The following VAV2 variants were observed in gnomAD, a reference collection of about 807,000 sequenced individuals.
The protein encoded by VAV2 is vav guanine nucleotide exchange factor 2.
VAV2 carries 67 observed loss-of-function variants against 132.5 expected under a neutral mutation model. The ratio of observed to expected loss-of-function variants is 0.51; its 90% CI spans 0.42 to 0.62. The LOEUF (loss-of-function observed/expected upper bound fraction) is 0.62. Ranked by LOEUF, VAV2 falls within the 20% of genes least tolerant of loss-of-function variation. The probability of loss-of-function intolerance (pLI) is 0.00; values close to 1 mark genes in which losing one functional copy is unlikely to be tolerated. For synonymous variants in VAV2, 492 were observed against 443.5 expected, an observed-to-expected ratio of 1.11 and a Z score of -1.37; for missense variants, 938 against 1,153.6, an observed-to-expected ratio of 0.81 and a Z score of 2.71.
chr9:133,986,032 A>G (rs946405183), intron 1 of VAV2, among the ~76,000 whole-genome samples: 2 of 152,204 alleles, frequency 1.3e-5, no homozygotes, highest in Non-Finnish European at 2.9e-5. Flanking sequence ...CAAGAGAGGA[A>G]GGAAAGGAGG....
rs1016351016 is a variant in VAV2, at chr9:133,802,510, G to A, written c.836+3571C>T. On this transcript the variant is annotated intron_variant, in intron 9 of 29. Coordinates refer to ENST00000371850, the MANE Select transcript of VAV2 (RefSeq NM_001134398.2). The surrounding 1 kb of genome is among the most constrained non-coding windows in gnomAD (Gnocchi z 5.8). ...ACATGGCCCCAAAGGTCTCAGTGTGGTCACCTTGCAAGGCACGGCCCGCCG... is the reference window on the plus strand; with the variant it reads ...ACATGGCCCCAAAGGTCTCAGTGTGATCACCTTGCAAGGCACGGCCCGCCG... 6.6e-6 allele frequency among the ~76,000 whole-genome samples: 1 copy of A among 151,928 alleles called. No homozygotes were observed. Among genetic ancestry groups the A allele is most frequent in the African/African-American group, 2.4e-5 (1 of 41,378 alleles).
chr9:133,936,091 G>A (rs1273173165), intron 2 of VAV2, among the ~76,000 whole-genome samples: 2 of 152,144 alleles, frequency 1.3e-5, no homozygotes, highest in Non-Finnish European at 1.5e-5. Context: ...GAGTGTCACC[G>A]CCATTTTACA....
chr9:133,822,583 G>C (rs1284244279), intron 4 of VAV2, among the ~76,000 whole-genome samples: 3 of 152,150 alleles, frequency 2.0e-5, no homozygotes, highest in African/African-American at 7.2e-5. Context: ...GGGAGGCCTT[G>C]CTTTTTCTAC....
At chr9:133,930,537 G>C (rs1022089753) in intron 2 of VAV2, among the ~76,000 whole-genome samples, 1 of 152,268 alleles carries the variant, frequency 6.6e-6, no homozygotes, top group Non-Finnish European at 1.5e-5. Context: ...TGTGCTGCGT[G>C]CAACAGCTGC....
At chr9:133,791,738 C>T (rs1834469962) in intron 13 of VAV2, 45 bp downstream of exon 13, 2 of 1,535,542 alleles carry the variant, frequency 1.3e-6, no homozygotes, top group African/African-American at 1.4e-5. Flanking sequence ...TTTATAGGTA[C>T]GTCCTCATCG....
intron 1 of VAV2, among the ~76,000 whole-genome samples, chr9:133,986,989 TTTATTA>T (rs2132309957): frequency 6.6e-6 from 1 of 150,420 alleles, no homozygotes; most frequent in South Asian, 2.1e-4. Context: ...ACAGCAGGGT[TTTATTA>T]TTATTATATT....
chr9:133,875,984 C>A (rs12000640), intron 2 of VAV2, among the ~76,000 whole-genome samples: 1 of 152,230 alleles, frequency 6.6e-6, no homozygotes, highest in African/African-American at 2.4e-5. Context: ...CACTGCCCAG[C>A]GGGCACAGCC....
chr9:133,840,502 A>G lies in VAV2; in HGVS notation c.381-6162T>C, dbSNP rs992683685. 6.6e-6 allele frequency among the ~76,000 whole-genome samples: 1 copy of G among 152,158 alleles called. No individual in the cohort carries two copies. Among genetic ancestry groups the G allele is most frequent in the African/African-American group, 2.4e-5 (1 of 41,454 alleles). Reference sequence around the variant, plus strand: ...CTTCCCCATGAGCTCAATTCTGGGCAGGACAATCACAGTCCCAGTGCTACA... The same window carrying G: ...CTTCCCCATGAGCTCAATTCTGGGCGGGACAATCACAGTCCCAGTGCTACA... On this transcript the variant is annotated intron_variant, in intron 3 of 29. Transcript: ENST00000371850. The surrounding 1 kb of genome is among the most constrained non-coding windows in gnomAD (Gnocchi z 4.5).
Position 133,823,652 on chromosome 9 carries a change from G to A in VAV2, c.449+10620C>T, listed in dbSNP as rs528159017. ...CAGACACAGCACAGCCCTCTCATTC[G>A]GGCCGAAGCCCAGCTGCCTACTCCT... On this transcript the variant is annotated intron_variant, in intron 4 of 29. Transcript: ENST00000371850. This position sits in a 1 kb window ranked among gnomAD's most constrained non-coding sequence, Gnocchi z 5.5. Among the ~76,000 whole-genome samples, 8 of 152,192 alleles carry A rather than the reference G, an allele frequency of 5.3e-5. No homozygotes were observed. The highest frequency in any genetic ancestry group is 3.3e-4 in the Admixed American group (5 of 15,286).
rs563089593 is a variant in VAV2 at position 133,870,083 on chromosome 9, G to A, written c.322-8651C>T. Among the ~76,000 whole-genome samples the A allele has an allele frequency of 2.9e-4, 44 of 152,104 alleles. 1 individual carries two copies. Among genetic ancestry groups the A allele is most frequent in the Middle Eastern group, 3.4e-3 (1 of 294 alleles). On this transcript the variant is annotated intron_variant, in intron 2 of 29. Transcript: ENST00000371850. ...GCCTTCAGAATGACAAGCGACCATC[G>A]AGTAGTGATAATTACAAAACATGTG...
At chr9:133,910,454 C>T (rs1839838377) in intron 2 of VAV2, among the ~76,000 whole-genome samples, 1 of 152,066 alleles carries the variant, frequency 6.6e-6, no homozygotes, top group Non-Finnish European at 1.5e-5. Context: ...GCACCAAGCC[C>T]ATTTGACAGA....
chr9:133,875,889 T>C (rs1007301325), intron 2 of VAV2, among the ~76,000 whole-genome samples: 2 of 152,172 alleles, frequency 1.3e-5, no homozygotes, highest in Admixed American at 6.5e-5. Context: ...CAGCCGAGTA[T>C]AGCAGACGCC....
intron 2 of VAV2, among the ~76,000 whole-genome samples, chr9:133,867,991 G>A (rs983924016): frequency 2.0e-5 from 3 of 152,260 alleles, no homozygotes; most frequent in African/African-American, 4.8e-5. Context: ...AGTCCCGGCT[G>A]TTCTCCACCC....
intron 1 of VAV2, among the ~76,000 whole-genome samples, chr9:133,939,637 G>C (rs145350242): frequency 1.2e-4 from 19 of 152,372 alleles, no homozygotes; most frequent in African/African-American, 4.1e-4. Flanking sequence ...CACATGTCGA[G>C]GCCGACAGTC....
intron 26 of VAV2, 67 bp from the exon 27 acceptor site, chr9:133,770,568 C>T (rs766794002): frequency 6.3e-7 from 1 of 1,590,588 alleles, no homozygotes; most frequent in Non-Finnish European, 8.6e-7. Context: ...AGTGACCTGG[C>T]CTCCCTCTCC....
At position 133,992,255 on chromosome 9, in the gene VAV2, G is replaced by T; in HGVS notation, c.24C>A (p.Gly8=). 1 of 1,570,126 alleles carries T rather than the reference G, an allele frequency of 6.4e-7. No individual in the cohort carries two copies. Among genetic ancestry groups the T allele is most frequent in the Non-Finnish European group, 8.6e-7 (1 of 1,159,490 alleles). ...GGACCTTGCAATCGATGAGCCAGCG[G>T]CCGCACTGCCGCCACTGCTCCATGG... is the stretch of plus-strand genomic sequence containing the variant. MEQWRQC[G]RWLIDCKVLP... is the part of the protein sequence containing the mutation. The change falls in exon 1 of 30, where the codon GGC becomes GGA. Residue 8 remains glycine, a synonymous_variant. Coordinates refer to ENST00000371850, the MANE Select transcript of VAV2 (RefSeq NM_001134398.2). The surrounding 1 kb of genome is among the most constrained non-coding windows in gnomAD (Gnocchi z 5.5).
intron 5 of VAV2, 46 bp from the exon 6 acceptor site, chr9:133,810,251 C>A (rs1389616060): frequency 6.2e-7 from 1 of 1,611,898 alleles, no homozygotes; most frequent in East Asian, 2.2e-5. Context: ...GTTAGCAGGG[C>A]CCACACTGTC....
chr9:133,792,359 A>ATGTGTGTG (rs141878473), intron 12 of VAV2, among the ~76,000 whole-genome samples: 1 of 123,360 alleles, frequency 8.1e-6, no homozygotes, highest in South Asian at 2.7e-4. Context: ...GGTGGGGTGC[A>ATGTGTGTG]TGTGTGTGTG....
rs1669059554 is a variant in VAV2 at position 133,991,536 on chromosome 9, C to A, written c.204+539G>T. 6.6e-6 allele frequency among the ~76,000 whole-genome samples: 1 copy of A among 152,024 alleles called. No homozygotes were observed. Among genetic ancestry groups the A allele is most frequent in the Non-Finnish European group, 1.5e-5 (1 of 67,962 alleles). The stretch of plus-strand genomic sequence containing the variant: ...GTCCGGGTCCGGGAAGAGGCGGAGG[C>A]CGGCGAGGGGGCGGTGCCCGGGGCC... On this transcript the variant is annotated intron_variant, in intron 1 of 29. Coordinates refer to ENST00000371850, the MANE Select transcript of VAV2 (RefSeq NM_001134398.2). The surrounding 1 kb of genome is among the most constrained non-coding windows in gnomAD (Gnocchi z 4.8).
Sources: allele counts gnomAD v4.1 joint callset (sites outside exome capture counted in the v4.1 genomes callset), GRCh38; gene constraint gnomAD v4.1.1; non-coding constraint Gnocchi (gnomAD v3.1); transcripts MANE v1.5; gene names NCBI Gene and HGNC (gene_info 2026-07-23, HGNC 2026-07-21).